Variants in RSPO3 observed in about 807,000 individuals in gnomAD.
RSPO3 encodes R-spondin 3.
Under a neutral mutation model 36.5 loss-of-function variants are expected in RSPO3, and 17 were observed. That is an observed-to-expected ratio of 0.47 (90% CI 0.32 to 0.70). The LOEUF is 0.70. Ranked by LOEUF, RSPO3 falls within the 30% of genes least tolerant of loss-of-function variation. RSPO3 has a pLI of 0.04. For missense variants in RSPO3, 294 were observed against 322.5 expected (o/e 0.91, Z 0.68); for synonymous variants, 108 against 107.0 (o/e 1.01, Z -0.06).
intron 4 of RSPO3, among the ~76,000 whole-genome samples, chr6:127,185,080 G>A (rs768050236): frequency 6.6e-6 from 1 of 151,750 alleles, no homozygotes; most frequent in Non-Finnish European, 1.5e-5. Context: ...TAAATTACAG[G>A]GTGGATATTT....
At chr6:127,150,693 T>C in intron 3 of RSPO3, 121 bp downstream of exon 3, 1 of 835,872 alleles carries the variant, frequency 1.2e-6, no homozygotes, top group Non-Finnish European at 1.8e-6. Context: ...AAAGGCTGTC[T>C]CCATCCTTCT....
rs144744708 is a variant in RSPO3 at position 127,147,595 on chromosome 6, C to T, written c.98-1053C>T. On this transcript the variant is annotated intron_variant, in intron 1 of 4. Coordinates refer to ENST00000356698, the MANE Select transcript of RSPO3 (RefSeq NM_032784.5). ...ACATCCGTTAGTCAGTAGTTTTTAC[C>T]AGCTCATGCAGAGGTGATGATGACT... Among the ~76,000 whole-genome samples the T allele has an allele frequency of 1.5e-3, 232 of 152,194 alleles. 1 individual carries two copies. Among genetic ancestry groups the T allele is most frequent in the African/African-American group, 5.3e-3 (220 of 41,548 alleles).
chr6:127,178,539 G>A (rs1208664643), intron 4 of RSPO3, among the ~76,000 whole-genome samples: 1 of 151,326 alleles, frequency 6.6e-6, no homozygotes, highest in Non-Finnish European at 1.5e-5. Flanking sequence ...CTGGGTTAAG[G>A]GCCAACATCA....
intron 1 of RSPO3, among the ~76,000 whole-genome samples, chr6:127,121,757 A>C (rs1378296267): frequency 2.6e-5 from 4 of 152,224 alleles, no homozygotes; most frequent in Non-Finnish European, 5.9e-5. Context: ...AAAACGAACA[A>C]AAAGATTCAA....
In RSPO3 at chr6:127,126,459, A is replaced by G. The variant is rs550042019; in HGVS notation, c.97+7170A>G. 2.0e-5 allele frequency among the ~76,000 whole-genome samples: 3 copies of G among 152,064 alleles called. No homozygotes were observed. In the South Asian group the frequency reaches 6.2e-4, roughly 32 times the overall value. On this transcript the variant is annotated intron_variant, in intron 1 of 4. Transcript: ENST00000356698. ...ATATCATTTTCAACTGTGGTTTTTT[A>G]TGGTTTTTATAATACTCTCTGTGTT...
At chr6:127,128,770 C>T (rs1385513022) in intron 1 of RSPO3, among the ~76,000 whole-genome samples, 1 of 152,086 alleles carries the variant, frequency 6.6e-6, no homozygotes, top group Non-Finnish European at 1.5e-5. Flanking sequence ...AGAATTATCT[C>T]AGTCAAAAGA....
rs1582782506 is a variant in RSPO3 at position 127,123,981 on chromosome 6, G to T, written c.97+4692G>T. On this transcript the variant is annotated intron_variant, in intron 1 of 4. Coordinates refer to ENST00000356698, the MANE Select transcript of RSPO3 (RefSeq NM_032784.5). ...TTTAGATTATTTGAATCTGGACAGA[G>T]ATCTCCAGATTGCTACTAAATGTCT... Among the ~76,000 whole-genome samples the T allele has an allele frequency of 3.3e-5, 5 of 152,142 alleles. No individual in the cohort carries two copies. In the South Asian group the frequency reaches 1.0e-3, roughly 32 times the overall value.
At position 127,118,860 on chromosome 6, in the gene RSPO3, G is replaced by A; in HGVS notation, c.-333G>A. 1 of 170,288 alleles carries A rather than the reference G, an allele frequency of 5.9e-6. No homozygotes were observed. Among genetic ancestry groups the A allele is most frequent in the Non-Finnish European group, 1.2e-5 (1 of 80,794 alleles). 10.5% of individuals were successfully genotyped at this position (170,288 alleles called of 1,614,324 possible). On this transcript the variant is annotated 5_prime_UTR_variant, in exon 1 of 5. Transcript: ENST00000356698. ...CAGCCGCCGCCGCCGCCGCTCGCCC[G>A]CCCGGATCCCGCCTGCGGCAGTTGC...
At chr6:127,125,893 T>C (rs1420118823) in intron 1 of RSPO3, among the ~76,000 whole-genome samples, 1 of 152,104 alleles carries the variant, frequency 6.6e-6, no homozygotes, top group Non-Finnish European at 1.5e-5. Flanking sequence ...AGAGGTGGCC[T>C]GTAATTATGA....
chr6:127,127,842 C>A (rs537622721), intron 1 of RSPO3, among the ~76,000 whole-genome samples: 1 of 152,004 alleles, frequency 6.6e-6, no homozygotes, highest in Admixed American at 6.6e-5. Flanking sequence ...TTTAACAAAC[C>A]ATAAGCCTTT....
At chr6:127,165,891 T>C (rs1774811950) in intron 4 of RSPO3, among the ~76,000 whole-genome samples, 1 of 151,972 alleles carries the variant, frequency 6.6e-6, no homozygotes, top group African/African-American at 2.4e-5. Flanking sequence ...TCAATAATGA[T>C]GTGCATGCTC....
chr6:127,146,817 G>C (rs375666411), intron 1 of RSPO3, among the ~76,000 whole-genome samples: 1 of 152,004 alleles, frequency 6.6e-6, no homozygotes, highest in Non-Finnish European at 1.5e-5. Flanking sequence ...TACACCTCTC[G>C]CTTCTTGAAA....
At chr6:127,173,408 T>C (rs1227933144) in intron 4 of RSPO3, among the ~76,000 whole-genome samples, 1 of 151,890 alleles carries the variant, frequency 6.6e-6, no homozygotes, top group Non-Finnish European at 1.5e-5. Flanking sequence ...GTTAAGTGGT[T>C]TGTGCAATTT....
intron 4 of RSPO3, among the ~76,000 whole-genome samples, chr6:127,166,192 T>A (rs1314617870): frequency 6.6e-6 from 1 of 152,026 alleles, no homozygotes; most frequent in Non-Finnish European, 1.5e-5. Flanking sequence ...CATTTTAAAA[T>A]TTGCATATCA....
chr6:127,191,976 G>A (rs1269233611), intron 4 of RSPO3, among the ~76,000 whole-genome samples: 2 of 152,118 alleles, frequency 1.3e-5, no homozygotes, highest in African/African-American at 2.4e-5. Flanking sequence ...GATTCACCAT[G>A]TCCTTGCATG....
intron 4 of RSPO3, among the ~76,000 whole-genome samples, chr6:127,193,179 C>T (rs539669847): frequency 6.6e-6 from 1 of 152,270 alleles, no homozygotes; most frequent in East Asian, 1.9e-4. Context: ...ACTCACTGCC[C>T]AGACTAGTTA....
intron 4 of RSPO3, among the ~76,000 whole-genome samples, chr6:127,173,360 A>G (rs1460384419): frequency 6.6e-6 from 1 of 151,854 alleles, no homozygotes; most frequent in Non-Finnish European, 1.5e-5. Flanking sequence ...GTCTAAACAA[A>G]GGCGCTGTCA....
At chr6:127,187,181 G>C (rs910367271) in intron 4 of RSPO3, among the ~76,000 whole-genome samples, 4 of 152,130 alleles carry the variant, frequency 2.6e-5, no homozygotes, top group Admixed American at 2.6e-4. Context: ...ATTCGTTTTT[G>C]AGATAGTCAC....
intron 4 of RSPO3, among the ~76,000 whole-genome samples, chr6:127,172,244 CTCACACAT>C (rs1377435255): frequency 2.1e-4 from 9 of 42,810 alleles, no homozygotes; most frequent in South Asian, 1.6e-3. Flanking sequence ...CACAAACACA[CTCACACAT>C]ACAGACACCT....
Sources: gnomAD v4.1 joint callset for allele counts (sites outside exome capture counted in the v4.1 genomes callset) on GRCh38, gnomAD v4.1.1 for gene constraint, MANE v1.5 for transcripts, NCBI Gene and HGNC (gene_info 2026-07-23, HGNC 2026-07-21) for gene names.